TNIK: variants seen among roughly 807,000 people sequenced by gnomAD.
TNIK encodes the protein TRAF2 and NCK-interacting protein kinase.
TNIK carries 49 observed loss-of-function variants against 191.3 expected under a neutral mutation model. The ratio of observed to expected loss-of-function variants is 0.26; its 90% CI spans 0.20 to 0.32. The LOEUF is 0.32. Ranked by LOEUF, TNIK falls within the 10% of genes least tolerant of loss-of-function variation. The pLI is 1.00. For missense variants in TNIK, 1,155 were observed against 1,702.3 expected, an observed-to-expected ratio of 0.68 and a Z score of 5.66; for synonymous variants, 594 against 600.9, an observed-to-expected ratio of 0.99 and a Z score of 0.17.
At chr3:171,092,017 T>C (rs1335672628) in intron 23 of TNIK, among the ~76,000 whole-genome samples, 1 of 151,298 alleles carries the variant, frequency 6.6e-6, no homozygotes, top group East Asian at 2.0e-4. Context: ...TGGCACGATC[T>C]CCACTCACTG....
rs191443705 is a variant in TNIK, at chr3:171,328,761, C to T, written c.123+40859G>A. Among the ~76,000 whole-genome samples the T allele has an allele frequency of 4.7e-4, 71 of 152,336 alleles. No individual in the cohort carries two copies. The South Asian group carries it at 9.5e-3, about 20-fold the overall frequency. ...GTAAATGAAACTGGCTCCCCACCCT[C>T]TCCAGTGTGGGGGTGGATTCTGCCT... is the stretch of plus-strand genomic sequence containing the variant. On this transcript the variant is annotated intron_variant, in intron 2 of 32. Coordinates refer to ENST00000436636, the MANE Select transcript of TNIK (RefSeq NM_015028.4).
chr3:171,437,007 C>G (rs1433900600), intron 1 of TNIK, among the ~76,000 whole-genome samples: 2 of 152,192 alleles, frequency 1.3e-5, no homozygotes, highest in Non-Finnish European at 2.9e-5. Flanking sequence ...GCCAGTTCCT[C>G]TCTTTTTTTA....
chr3:171,233,039 C>T (rs533391266), intron 2 of TNIK, among the ~76,000 whole-genome samples: 3 of 152,332 alleles, frequency 2.0e-5, no homozygotes, highest in Admixed American at 6.5e-5. Context: ...TTCTAGGTCA[C>T]CCACATACAT....
intron 3 of TNIK, among the ~76,000 whole-genome samples, chr3:171,213,956 A>G (rs1741164328): frequency 6.6e-6 from 1 of 152,214 alleles, no homozygotes; most frequent in Admixed American, 6.5e-5. Flanking sequence ...AATCTACATA[A>G]CCAAAAAATA....
At chr3:171,451,251 G>A (rs1306238541) in intron 1 of TNIK, among the ~76,000 whole-genome samples, 2 of 152,220 alleles carry the variant, frequency 1.3e-5, no homozygotes, top group East Asian at 1.9e-4. Context: ...AAGTGGGCAC[G>A]ATGTTATGAG....
chr3:171,388,328 G>T (rs1235628504), intron 1 of TNIK, among the ~76,000 whole-genome samples: 2 of 152,150 alleles, frequency 1.3e-5, no homozygotes, highest in African/African-American at 2.4e-5. Flanking sequence ...ACACATTATT[G>T]AATAGAGATA....
At chr3:171,356,337 T>C (rs545003649) in intron 2 of TNIK, among the ~76,000 whole-genome samples, 3 of 152,172 alleles carry the variant, frequency 2.0e-5, no homozygotes, top group African/African-American at 7.2e-5. Flanking sequence ...GCCCAAGGTA[T>C]GCCGCTTCCT....
rs59293515 is a variant in TNIK at position 171,128,887 on chromosome 3, C to CAAAAAAAAA, written c.1609-18_1609-10dup. The CAAAAAAAAA allele has an allele frequency of 1.5e-4, 184 of 1,245,024 alleles. 2 individuals carry two copies. The highest frequency in any genetic ancestry group is 9.1e-4 in the South Asian group (42 of 46,300). The allele number at this position is 1,245,024 out of a possible 1,614,324, so 77.1% of individuals were successfully genotyped here. A position where few individuals can be genotyped will look rare whatever the true frequency, so the allele number is the denominator to read the frequency against. ...CTTGACCGTTCTTCTACCTACAACC[C>CAAAAAAAAA]AAAAAAAAAAAAAAAAAAAAGACAG... On this transcript the variant is annotated splice_polypyrimidine_tract_variant and intron_variant, in intron 15 of 32. Coordinates refer to ENST00000436636, the MANE Select transcript of TNIK (RefSeq NM_015028.4).
intron 7 of TNIK, among the ~76,000 whole-genome samples, chr3:171,178,694 A>G (rs1346191736): frequency 6.6e-6 from 1 of 152,220 alleles, no homozygotes. Flanking sequence ...GCAGATTGGT[A>G]AGAAAATCTA....
chr3:171,330,838 C>A (rs1263917805), intron 2 of TNIK, among the ~76,000 whole-genome samples: 1 of 152,092 alleles, frequency 6.6e-6, no homozygotes, highest in Non-Finnish European at 1.5e-5. Context: ...TCTATTCTTA[C>A]CCTACGACCC....
chr3:171,349,064 A>C (rs1712722767), intron 2 of TNIK, among the ~76,000 whole-genome samples: 1 of 152,008 alleles, frequency 6.6e-6, no homozygotes, highest in Non-Finnish European at 1.5e-5. Context: ...AATGGCTGAA[A>C]ACTAGTGATA....
At chr3:171,113,563 G>C (rs993443603) in intron 18 of TNIK, among the ~76,000 whole-genome samples, 1 of 150,852 alleles carries the variant, frequency 6.6e-6, no homozygotes, top group Non-Finnish European at 1.5e-5. Flanking sequence ...CGGAGATCGC[G>C]CTACTGCACT....
At chr3:171,074,452 C>G (rs749066682) in intron 28 of TNIK, among the ~76,000 whole-genome samples, 1 of 151,948 alleles carries the variant, frequency 6.6e-6, no homozygotes, top group South Asian at 2.1e-4. Flanking sequence ...CCAAGCCTCA[C>G]CATTATGCAA....
intron 18 of TNIK, among the ~76,000 whole-genome samples, chr3:171,122,217 G>C (rs542940003): frequency 1.3e-5 from 2 of 152,324 alleles, no homozygotes; most frequent in African/African-American, 2.4e-5. Context: ...TTGATCTAAA[G>C]AAACTAAAAT....
intron 1 of TNIK, among the ~76,000 whole-genome samples, chr3:171,441,933 C>T (rs967695966): frequency 1.3e-5 from 2 of 152,152 alleles, no homozygotes. Flanking sequence ...CCAAGTTTCA[C>T]TTAAATGTAC....
intron 6 of TNIK, among the ~76,000 whole-genome samples, chr3:171,189,072 TA>T (rs1737712189): frequency 6.6e-6 from 1 of 152,196 alleles, no homozygotes; most frequent in South Asian, 2.1e-4. Context: ...TATTAAACAA[TA>T]GCTCCCAATT....
intron 3 of TNIK, among the ~76,000 whole-genome samples, chr3:171,219,034 T>TTATATTAAATTATATTTAATATAA (rs1256628133): frequency 5.1e-5 from 4 of 78,746 alleles, no homozygotes; most frequent in Admixed American, 2.7e-4. Flanking sequence ...AGTGTATTAA[T>TTATATTAAATTATATTTAATATAA]TATATTAAAT....
intron 22 of TNIK, among the ~76,000 whole-genome samples, chr3:171,094,259 C>G (rs568957492): frequency 5.3e-5 from 8 of 151,988 alleles, no homozygotes; most frequent in African/African-American, 1.9e-4. Flanking sequence ...CTCAGCCTCC[C>G]GAGTAGCTGG....
At chr3:171,336,049 G>A (rs1013694906) in intron 2 of TNIK, among the ~76,000 whole-genome samples, 2 of 151,856 alleles carry the variant, frequency 1.3e-5, no homozygotes, top group Non-Finnish European at 2.9e-5. Flanking sequence ...TATTCATACA[G>A]CCCCTTTACA....
Sources: gnomAD v4.1 joint callset for allele counts (sites outside exome capture counted in the v4.1 genomes callset) on GRCh38, gnomAD v4.1.1 for gene constraint, MANE v1.5 for transcripts, NCBI Gene and HGNC (gene_info 2026-07-23, HGNC 2026-07-21) for gene names.